BNC2: variants seen among roughly 807,000 people sequenced by gnomAD.
BNC2 encodes the protein basonuclin zinc finger protein 2.
BNC2 carries 20 observed loss-of-function variants against 76.3 expected under a neutral mutation model. The ratio of observed to expected loss-of-function variants is 0.26; its 90% confidence interval spans 0.18 to 0.38. The LOEUF is 0.38. Among genes scored for constraint, BNC2 ranks in the 10% least tolerant of loss-of-function variants. The pLI is 1.00. For missense variants in BNC2, 1,382 were observed against 1,399.8 expected (o/e 0.99, Z 0.20); for synonymous variants, 582 against 514.8 (o/e 1.13, Z -1.77).
chr9:16,558,531 C>G (rs1296250257), intron 4 of BNC2, among the ~76,000 whole-genome samples: 2 of 152,178 alleles, frequency 1.3e-5, no homozygotes, highest in Non-Finnish European at 2.9e-5. Flanking sequence ...CTCTCCCTGT[C>G]CCCTCTGCCA....
At chr9:16,790,853 A>T (rs1360769389) in intron 1 of BNC2, among the ~76,000 whole-genome samples, 2 of 143,764 alleles carry the variant, frequency 1.4e-5, no homozygotes, top group African/African-American at 5.2e-5. Context: ...GCTGTTTACA[A>T]TTAGCTAAAA....
At chr9:16,658,995 T>C (rs886325258) in intron 3 of BNC2, among the ~76,000 whole-genome samples, 2 of 152,200 alleles carry the variant, frequency 1.3e-5, no homozygotes, top group African/African-American at 4.8e-5. Flanking sequence ...CAACTGTCTC[T>C]TTTTTTGAAT....
chr9:16,870,162 G>C (rs984648341), intron 1 of BNC2, among the ~76,000 whole-genome samples: 12 of 150,124 alleles, frequency 8.0e-5, no homozygotes, highest in Non-Finnish European at 1.6e-4. Context: ...CAGCGCACCC[G>C]GCACCCACGC....
At chr9:16,811,581 T>C (rs1465966890) in intron 1 of BNC2, among the ~76,000 whole-genome samples, 2 of 143,352 alleles carry the variant, frequency 1.4e-5, no homozygotes, top group Non-Finnish European at 3.0e-5. Flanking sequence ...AAAAACAGTG[T>C]ACAGGGAAAA....
Position 16,784,028 on chromosome 9 carries a change from T to C in BNC2, c.4-45543A>G, listed in dbSNP as rs370986024. 1.0e-3 allele frequency among the ~76,000 whole-genome samples: 153 copies of C among 152,278 alleles called. 3 individuals carry two copies. The South Asian group carries it at 0.03, about 30-fold the overall frequency. On this transcript the variant is annotated intron_variant, in intron 1 of 6. Coordinates refer to ENST00000380672, the MANE Select transcript of BNC2 (RefSeq NM_017637.6). ...ATAGCATCCGATTTTTCCAGTGAATTTGGGAAAAAGGCAAAATTTCTGCTT... is the reference window on the plus strand; with the variant it reads ...ATAGCATCCGATTTTTCCAGTGAATCTGGGAAAAAGGCAAAATTTCTGCTT...
intron 1 of BNC2, among the ~76,000 whole-genome samples, chr9:16,824,192 G>C (rs1053970329): frequency 3.9e-5 from 6 of 152,182 alleles, no homozygotes; most frequent in African/African-American, 1.4e-4. Context: ...TCTAACGACA[G>C]TGAGGAGGAT....
At chr9:16,449,615 G>T (rs556728705) in intron 5 of BNC2, among the ~76,000 whole-genome samples, 1 of 152,152 alleles carries the variant, frequency 6.6e-6, no homozygotes, top group Admixed American at 6.5e-5. Context: ...ACAGAAGAAT[G>T]AACAAATTAC....
chr9:16,812,766 T>C (rs1818083914), intron 1 of BNC2, among the ~76,000 whole-genome samples: 1 of 152,176 alleles, frequency 6.6e-6, no homozygotes, highest in Non-Finnish European at 1.5e-5. Flanking sequence ...CGTTTAGCTA[T>C]AACTTCTGAA....
At chr9:16,665,437 A>T (rs752209176) in intron 3 of BNC2, among the ~76,000 whole-genome samples, 12 of 68,916 alleles carry the variant, frequency 1.7e-4, no homozygotes, top group Admixed American at 1.3e-3. Context: ...AGGAAAGAAA[A>T]GAAAGAAAGA....
intron 3 of BNC2, among the ~76,000 whole-genome samples, chr9:16,650,043 C>G (rs974867327): frequency 8.5e-5 from 13 of 152,178 alleles, no homozygotes; most frequent in African/African-American, 3.1e-4. Context: ...AGTCAGCACT[C>G]AACCCTGGGT....
At chr9:16,835,225 T>C (rs1450300941) in intron 1 of BNC2, among the ~76,000 whole-genome samples, 1 of 152,248 alleles carries the variant, frequency 6.6e-6, no homozygotes, top group Non-Finnish European at 1.5e-5. Flanking sequence ...AATAGTTTAA[T>C]ACTTTAACAA....
At chr9:16,694,293 A>G (rs1823270803) in intron 3 of BNC2, among the ~76,000 whole-genome samples, 1 of 152,144 alleles carries the variant, frequency 6.6e-6, no homozygotes, top group Non-Finnish European at 1.5e-5. Flanking sequence ...GAAAGAGCAA[A>G]TATTAGTTCC....
intron 1 of BNC2, among the ~76,000 whole-genome samples, chr9:16,740,136 A>G (rs961382546): frequency 1.3e-5 from 2 of 152,234 alleles, no homozygotes; most frequent in African/African-American, 4.8e-5. Flanking sequence ...CTGATAAGGG[A>G]AAACAGTTGA....
At chr9:16,563,557 G>A (rs1332483793) in intron 4 of BNC2, among the ~76,000 whole-genome samples, 1 of 152,150 alleles carries the variant, frequency 6.6e-6, no homozygotes, top group Non-Finnish European at 1.5e-5. Flanking sequence ...TAATACGTAG[G>A]ATGGTTTCAA....
At chr9:16,750,327 G>T (rs1380813082) in intron 1 of BNC2, among the ~76,000 whole-genome samples, 1 of 152,080 alleles carries the variant, frequency 6.6e-6, no homozygotes, top group East Asian at 1.9e-4. Flanking sequence ...ATTAAAAATG[G>T]CTGAACACTA....
In BNC2 at chr9:16,723,483, A is replaced by C. The variant is rs192372900; in HGVS notation, c.330+4314T>G. On this transcript the variant is annotated intron_variant, in intron 3 of 6. Transcript: ENST00000380672. ...TATATGCCTTTTAAATGACTAGTGA[A>C]TAAATACTCAAAAAAATTGGGGGGG... is the stretch of plus-strand genomic sequence containing the variant. Among the ~76,000 whole-genome samples, 783 of 116,936 alleles carry C rather than the reference A, an allele frequency of 6.7e-3. 5 individuals carry two copies. Among genetic ancestry groups the C allele is most frequent in the African/African-American group, 0.023 (740 of 32,050 alleles). The allele number at this position is 116,936 out of a possible 152,430, so 76.7% of individuals were successfully genotyped here. A position where few individuals can be genotyped will look rare whatever the true frequency, so the allele number is the denominator to read the frequency against.
At chr9:16,561,343 G>C (rs1231919015) in intron 4 of BNC2, among the ~76,000 whole-genome samples, 2 of 152,140 alleles carry the variant, frequency 1.3e-5, no homozygotes, top group Non-Finnish European at 2.9e-5. Context: ...ATAGAAACGG[G>C]GAGGGATGGC....
At chr9:16,723,244 T>G (rs1038705264) in intron 3 of BNC2, among the ~76,000 whole-genome samples, 4 of 152,100 alleles carry the variant, frequency 2.6e-5, no homozygotes, top group Non-Finnish European at 5.9e-5. Context: ...AAGCTAGGGA[T>G]GGATGATGCC....
chr9:16,770,289 T>C (rs376888780), intron 1 of BNC2, among the ~76,000 whole-genome samples: 3 of 152,302 alleles, frequency 2.0e-5, no homozygotes, highest in East Asian at 3.9e-4. Flanking sequence ...GGGCTGATTG[T>C]GCTCTTTCTA....
Sources: gnomAD v4.1 joint callset for allele counts (sites outside exome capture counted in the v4.1 genomes callset) on GRCh38, gnomAD v4.1.1 for gene constraint, MANE v1.5 for transcripts, NCBI Gene and HGNC (gene_info 2026-07-23, HGNC 2026-07-21) for gene names.